Variants in RAPGEF6 observed in about 807,000 individuals in gnomAD.
The protein encoded by RAPGEF6 is Rap guanine nucleotide exchange factor 6, also known as PDZ domain containing guanine nucleotide exchange factor (GEF) 2.
In RAPGEF6, 56 loss-of-function variants were observed where a neutral mutation model predicts 171.4. The ratio of observed to expected loss-of-function variants is 0.33; its 90% confidence interval spans 0.26 to 0.41. The LOEUF is 0.41. Among genes scored for constraint, RAPGEF6 ranks in the 10% least tolerant of loss-of-function variants. The pLI is 1.00. For missense variants in RAPGEF6, 1,674 were observed against 1,921.4 expected, an observed-to-expected ratio of 0.87 and a Z score of 2.41; for synonymous variants, 692 against 650.1, an observed-to-expected ratio of 1.06 and a Z score of -0.98.
intron 1 of RAPGEF6, among the ~76,000 whole-genome samples, chr5:131,615,590 T>A (rs1390782547): frequency 2.6e-5 from 4 of 152,202 alleles, no homozygotes; most frequent in African/African-American, 9.6e-5. Context: ...ACTTGAAAGC[T>A]GCTCTATGTA....
intron 3 of RAPGEF6, among the ~76,000 whole-genome samples, chr5:131,595,114 T>A (rs1394373173): frequency 6.6e-6 from 1 of 152,118 alleles, no homozygotes; most frequent in African/African-American, 2.4e-5. Context: ...TGGCTCTATG[T>A]CCCCACTCAA....
intron 1 of RAPGEF6, among the ~76,000 whole-genome samples, chr5:131,607,626 C>T (rs1478291406): frequency 1.3e-5 from 2 of 152,186 alleles, no homozygotes; most frequent in African/African-American, 4.8e-5. Context: ...GATCTATTTA[C>T]ATATATTACA....
intron 17 of RAPGEF6, among the ~76,000 whole-genome samples, chr5:131,469,624 T>C (rs1304924168): frequency 6.6e-6 from 1 of 152,026 alleles, no homozygotes; most frequent in Non-Finnish European, 1.5e-5. Context: ...AAAACATATA[T>C]ATATTCAAAA....
intron 18 of RAPGEF6, 47 bp downstream of exon 18, chr5:131,463,994 C>T (rs1321894299): frequency 3.3e-6 from 5 of 1,515,046 alleles, no homozygotes; most frequent in Admixed American, 4.4e-5. Context: ...AGGAAATCTT[C>T]AAAAGCACAT....
intron 17 of RAPGEF6, among the ~76,000 whole-genome samples, chr5:131,470,774 A>T (rs954234084): frequency 6.6e-6 from 1 of 152,206 alleles, no homozygotes; most frequent in African/African-American, 2.4e-5. Context: ...CAGATGAGGT[A>T]ACACTGGAGT....
intron 5 of RAPGEF6, among the ~76,000 whole-genome samples, chr5:131,553,282 T>C (rs1761034709): frequency 6.6e-6 from 1 of 152,336 alleles, no homozygotes. Context: ...TGGTGCACCA[T>C]AACAGCAAGA....
chr5:131,529,151 C>T (rs1404996903), intron 6 of RAPGEF6, among the ~76,000 whole-genome samples: 4 of 143,624 alleles, frequency 2.8e-5, no homozygotes, highest in African/African-American at 1.1e-4. Flanking sequence ...AGAGAGACCA[C>T]GGAAAAAAAA....
At position 131,615,189 on chromosome 5, in the gene RAPGEF6, T is replaced by C. The variant is rs149555843; in HGVS notation, c.70-10496A>G. ...TAGCGAAAGACAACAAGCATTAAGATGCCTAGTAAATCCTAGTCCCTTTCT... is the reference window on the plus strand; with the variant it reads ...TAGCGAAAGACAACAAGCATTAAGACGCCTAGTAAATCCTAGTCCCTTTCT... On this transcript the variant is annotated intron_variant, in intron 1 of 27. Transcript: ENST00000509018. Among the ~76,000 whole-genome samples, 158 of 152,342 alleles carry C rather than the reference T, an allele frequency of 1.0e-3. 1 individual carries two copies. Among genetic ancestry groups the C allele is most frequent in the African/African-American group, 3.6e-3 (151 of 41,580 alleles).
chr5:131,484,021 A>C (rs1257549664), intron 15 of RAPGEF6, among the ~76,000 whole-genome samples: 1 of 146,614 alleles, frequency 6.8e-6, no homozygotes, highest in African/African-American at 2.5e-5. Flanking sequence ...GCATGAACCC[A>C]GGAGGCGGAG....
chr5:131,467,123 G>C (rs1345936383), intron 17 of RAPGEF6, among the ~76,000 whole-genome samples: 1 of 152,188 alleles, frequency 6.6e-6, no homozygotes, highest in African/African-American at 2.4e-5. Flanking sequence ...CAAAGACAGG[G>C]TGGGAATTTG....
At chr5:131,547,226 T>C (rs886482761) in intron 6 of RAPGEF6, among the ~76,000 whole-genome samples, 13 of 152,218 alleles carry the variant, frequency 8.5e-5, no homozygotes, top group Non-Finnish European at 1.8e-4. Context: ...AATAAATATC[T>C]GTTTATGACA....
Position 131,429,011 on chromosome 5 carries a change from G to C in RAPGEF6, c.4671C>G (p.Asn1557Lys). The change falls in exon 27 of 28, where the codon AAC becomes AAG. Residue 1557 changes from asparagine to lysine, a missense_variant. Asn to Lys is a moderately conservative substitution (Grantham distance 94, BLOSUM62 0). This residue lies in a region of RAPGEF6 where 552 missense variants were observed against 574.2 expected (regional missense o/e 0.96). Coordinates refer to ENST00000509018, the MANE Select transcript of RAPGEF6 (RefSeq NM_016340.6). Reference sequence around the variant, plus strand: ...TCTTCGATGGAACACAGGCCACGAGGTTGCTACTGAGAGAAGCTGGTGGCA... The same window carrying C: ...TCTTCGATGGAACACAGGCCACGAGCTTGCTACTGAGAGAAGCTGGTGGCA... Reference protein sequence around the residue: ...SRLPPASLSSNLVACVPSKIV... With the variant: ...SRLPPASLSSKLVACVPSKIV... 1 of 1,614,164 alleles carries C rather than the reference G, an allele frequency of 6.2e-7. No individual in the cohort carries two copies. The highest frequency in any genetic ancestry group is 1.1e-5 in the South Asian group (1 of 91,084).
chr5:131,603,442 C>A lies in RAPGEF6; in HGVS notation c.141-115G>T, dbSNP rs995108596. On this transcript the variant is annotated intron_variant, in intron 2 of 27. Transcript: ENST00000509018. ...GATTGTTAGAAAATGACCAAATCTA[C>A]CAGTATGTTGTCACTAAACTACAGA... is the stretch of plus-strand genomic sequence containing the variant. 7 of 665,462 alleles carry A rather than the reference C, an allele frequency of 1.1e-5. No individual in the cohort carries two copies. In the East Asian group the frequency reaches 2.0e-4, roughly 19 times the overall value. The allele number at this position is 665,462 out of a possible 1,614,324, so 41.2% of individuals were successfully genotyped here.
chr5:131,508,230 G>A (rs777840085), intron 8 of RAPGEF6, 23 bp from the exon 9 acceptor site: 6 of 1,594,694 alleles, frequency 3.8e-6, no homozygotes, highest in East Asian at 2.3e-5. Context: ...AGAAATTCTG[G>A]TATAAAGACC....
At chr5:131,628,534 G>A (rs899554118) in intron 1 of RAPGEF6, among the ~76,000 whole-genome samples, 2 of 152,148 alleles carry the variant, frequency 1.3e-5, no homozygotes, top group African/African-American at 4.8e-5. Flanking sequence ...AAGTTATCCT[G>A]AAGATCTAGC....
intron 6 of RAPGEF6, among the ~76,000 whole-genome samples, chr5:131,539,061 G>C (rs1759964361): frequency 6.6e-6 from 1 of 152,184 alleles, no homozygotes; most frequent in Admixed American, 6.5e-5. Flanking sequence ...TGTAAATAAA[G>C]AGAGAAGAGA....
chr5:131,498,691 A>T, intron 11 of RAPGEF6, 84 bp from the exon 12 acceptor site: 1 of 1,248,508 alleles, frequency 8.0e-7, no homozygotes, highest in Non-Finnish European at 1.2e-6. Flanking sequence ...TCCGCTTTGT[A>T]GCTACTCCAT....
intron 1 of RAPGEF6, among the ~76,000 whole-genome samples, chr5:131,611,497 C>T (rs182506514): frequency 1.1e-3 from 170 of 152,196 alleles, no homozygotes; most frequent in African/African-American, 4.0e-3. Flanking sequence ...TATGGTGAAA[C>T]CCCGTCTCTA....
At chr5:131,517,913 CTG>C (rs1758205851) in intron 7 of RAPGEF6, among the ~76,000 whole-genome samples, 1 of 151,626 alleles carries the variant, frequency 6.6e-6, no homozygotes, top group Non-Finnish European at 1.5e-5. Flanking sequence ...TATTATAATT[CTG>C]TGTTTATTCC....
Sources: gnomAD v4.1 joint callset for allele counts (sites outside exome capture counted in the v4.1 genomes callset) on GRCh38, gnomAD v4.1.1 for gene constraint, gnomAD v4.1.1 regional missense constraint, MANE v1.5 for transcripts, NCBI Gene and HGNC (gene_info 2026-07-23, HGNC 2026-07-21) for gene names.